CYP39A1: variants seen among roughly 807,000 people sequenced by gnomAD.
The protein encoded by CYP39A1 is 24-hydroxycholesterol 7-alpha-hydroxylase.
In CYP39A1, 49 loss-of-function variants were observed where a neutral mutation model predicts 58.1. The observed-to-expected ratio is 0.84, with a 90% CI of 0.67 to 1.07. The LOEUF is 1.07. CYP39A1 is among the 50% of genes least tolerant of loss of function. CYP39A1 has a pLI of 0.00. For synonymous variants in CYP39A1, 209 were observed against 187.6 expected (o/e 1.11, Z -0.93); for missense variants, 531 against 539.4 (o/e 0.98, Z 0.16).
chr6:46,622,361 T>C (rs1267137777), intron 7 of CYP39A1, among the ~76,000 whole-genome samples: 2 of 152,014 alleles, frequency 1.3e-5, no homozygotes, highest in Non-Finnish European at 2.9e-5. Context: ...TAATTTTATT[T>C]ATAAGTTGAT....
intron 6 of CYP39A1, among the ~76,000 whole-genome samples, chr6:46,626,641 G>C (rs962692117): frequency 6.6e-6 from 1 of 151,984 alleles, no homozygotes; most frequent in South Asian, 2.1e-4. Context: ...GGGAACCAAG[G>C]GTCCTCAATT....
Position 46,625,410 on chromosome 6 carries a change from T to C in CYP39A1, c.931+8A>G. 6.3e-7 allele frequency: 1 copy of C among 1,598,768 alleles called. No individual in the cohort carries two copies. The highest frequency in any genetic ancestry group is 1.3e-5 in the African/African-American group (1 of 74,672). Reference sequence around the variant, plus strand: ...AGCTGTGTCTTCCTATATAATAAGGTTTAGTACCTGCTTTGCCAAACACAG... The same window carrying C: ...AGCTGTGTCTTCCTATATAATAAGGCTTAGTACCTGCTTTGCCAAACACAG... On this transcript the variant is annotated splice_region_variant and intron_variant, in intron 7 of 11. Transcript: ENST00000275016.
chr6:46,556,955 C>T (rs943335858), intron 10 of CYP39A1, among the ~76,000 whole-genome samples: 14 of 151,874 alleles, frequency 9.2e-5, no homozygotes, highest in Admixed American at 2.0e-4. Flanking sequence ...TTATACTCCA[C>T]AGGTTCATAA....
chr6:46,550,957 T>C (rs1770363818), intron 11 of CYP39A1, among the ~76,000 whole-genome samples: 2 of 152,168 alleles, frequency 1.3e-5, no homozygotes, highest in African/African-American at 4.8e-5. Context: ...GCTCCAAATA[T>C]TCTGACTTTT....
intron 7 of CYP39A1, among the ~76,000 whole-genome samples, chr6:46,609,313 G>A (rs1413729030): frequency 1.3e-5 from 2 of 151,604 alleles, no homozygotes; most frequent in Non-Finnish European, 2.9e-5. Context: ...TGAGGCAAGA[G>A]AATGGCGTGA....
At chr6:46,579,983 C>T (rs1322261579) in intron 10 of CYP39A1, among the ~76,000 whole-genome samples, 1 of 151,978 alleles carries the variant, frequency 6.6e-6, no homozygotes. Context: ...AAGTCATTTT[C>T]CACAGAATTG....
intron 8 of CYP39A1, among the ~76,000 whole-genome samples, chr6:46,592,149 T>C (rs989963778): frequency 5.9e-5 from 9 of 151,914 alleles, no homozygotes; most frequent in African/African-American, 1.9e-4. Flanking sequence ...AAGTAGAGAG[T>C]GTTCGTCCAT....
At chr6:46,582,056 C>T (rs1474010413) in intron 10 of CYP39A1, among the ~76,000 whole-genome samples, 1 of 152,156 alleles carries the variant, frequency 6.6e-6, no homozygotes, top group African/African-American at 2.4e-5. Context: ...TTCCCACCCT[C>T]ATTCCTAACC....
chr6:46,553,290 T>G (rs1357921207), intron 11 of CYP39A1, among the ~76,000 whole-genome samples: 3 of 152,180 alleles, frequency 2.0e-5, no homozygotes, highest in African/African-American at 4.8e-5. Flanking sequence ...TAGTTTGAGG[T>G]AGGAATAAAA....
At chr6:46,562,174 C>T (rs972513486) in intron 10 of CYP39A1, among the ~76,000 whole-genome samples, 19 of 152,094 alleles carry the variant, frequency 1.2e-4, no homozygotes, top group African/African-American at 4.3e-4. Context: ...AGGCACCTGC[C>T]ACCACAACTG....
chr6:46,641,036 T>G (rs895140651), intron 2 of CYP39A1, among the ~76,000 whole-genome samples: 1 of 151,950 alleles, frequency 6.6e-6, no homozygotes, highest in Non-Finnish European at 1.5e-5. Context: ...TCTGTATGTA[T>G]AGTAGCATAC....
chr6:46,557,890 C>A (rs1324945754), intron 10 of CYP39A1, among the ~76,000 whole-genome samples: 2 of 137,956 alleles, frequency 1.4e-5, no homozygotes, highest in Non-Finnish European at 1.5e-5. Flanking sequence ...GAGCTGAGAT[C>A]GCACCACTGC....
At chr6:46,597,465 GAAAAAGAAAATATTT>G (rs1312636031) in intron 7 of CYP39A1, among the ~76,000 whole-genome samples, 2 of 152,002 alleles carry the variant, frequency 1.3e-5, no homozygotes, top group East Asian at 3.9e-4. Context: ...CCAACTAGAT[GAAAAAGAAAATATTT>G]TATGAATATA....
intron 2 of CYP39A1, 26 bp from the exon 3 acceptor site, chr6:46,639,694 A>G (rs1192939159): frequency 6.3e-7 from 1 of 1,585,542 alleles, no homozygotes; most frequent in Non-Finnish European, 8.6e-7. Context: ...ACTATTTTCA[A>G]AATAAGCAAC....
At chr6:46,601,879 C>A (rs1020490228) in intron 7 of CYP39A1, among the ~76,000 whole-genome samples, 23 of 151,972 alleles carry the variant, frequency 1.5e-4, no homozygotes, top group Admixed American at 1.4e-3. Flanking sequence ...AAGGCTGGAT[C>A]CCTTTCACCT....
At chr6:46,598,203 G>T (rs1773285030) in intron 7 of CYP39A1, among the ~76,000 whole-genome samples, 1 of 152,084 alleles carries the variant, frequency 6.6e-6, no homozygotes, top group Admixed American at 6.6e-5. Context: ...GAGAAATCCT[G>T]CAATAAAACA....
At chr6:46,550,578 C>T (rs1321636463) in intron 11 of CYP39A1, 141 bp from the exon 12 acceptor site, 5 of 619,008 alleles carry the variant, frequency 8.1e-6, no homozygotes, top group Non-Finnish European at 8.3e-6. Context: ...CATCAATGAA[C>T]TTCACAATAT....
chr6:46,574,465 C>T (rs370495877), intron 10 of CYP39A1, among the ~76,000 whole-genome samples: 6 of 151,966 alleles, frequency 3.9e-5, no homozygotes, highest in African/African-American at 7.3e-5. Flanking sequence ...TATTAGAAAG[C>T]GAGGAGAAGG....
intron 11 of CYP39A1, among the ~76,000 whole-genome samples, chr6:46,553,534 G>C (rs1407485692): frequency 6.6e-6 from 1 of 152,180 alleles, no homozygotes; most frequent in Non-Finnish European, 1.5e-5. Flanking sequence ...CACTGGAAGT[G>C]GTGGAAAGAC....
Sources: gnomAD v4.1 joint callset for allele counts (sites outside exome capture counted in the v4.1 genomes callset) on GRCh38, gnomAD v4.1.1 for gene constraint, MANE v1.5 for transcripts, NCBI Gene and HGNC (gene_info 2026-07-23, HGNC 2026-07-21) for gene names.